Variants in RBPMS observed in about 807,000 individuals in gnomAD.
RBPMS encodes the protein RNA-binding protein with multiple splicing.
Under a neutral mutation model 26.8 loss-of-function variants are expected in RBPMS, and 7 were observed. The ratio of observed to expected loss-of-function variants is 0.26; its 90% CI spans 0.15 to 0.49. The LOEUF (loss-of-function observed/expected upper bound fraction) is 0.49. Ranked by LOEUF, RBPMS falls within the 20% of genes least tolerant of loss-of-function variation. RBPMS has a pLI of 0.98. For synonymous variants in RBPMS, 96 were observed against 93.3 expected, an observed-to-expected ratio of 1.03 and a Z score of -0.17; for missense variants, 186 against 250.0, an observed-to-expected ratio of 0.74 and a Z score of 1.73.
intron 1 of RBPMS, among the ~76,000 whole-genome samples, chr8:30,439,268 A>G (rs1812809919): frequency 6.6e-6 from 1 of 152,254 alleles, no homozygotes; most frequent in Admixed American, 6.5e-5. Flanking sequence ...TATCATTTAA[A>G]AGCAAACCTC....
At chr8:30,388,770 T>C (rs1807431850) in intron 1 of RBPMS, among the ~76,000 whole-genome samples, 1 of 152,156 alleles carries the variant, frequency 6.6e-6, no homozygotes, top group Non-Finnish European at 1.5e-5. Flanking sequence ...AGGCTGATTG[T>C]AAAACATCTT....
rs199583737 is a variant in RBPMS, at chr8:30,549,804, T to TCCCTCC, written c.528+5182_528+5183insCTCCCC. On this transcript the variant is annotated intron_variant, in intron 6 of 8. Transcript: ENST00000397323. ...TCTCTCTCTCTCTCTCTCCCCTCTC[T>TCCCTCC]CCTCTCTCTCTCTCTCTCTCTCTTT... Among the ~76,000 whole-genome samples, 451 of 102,772 alleles carry TCCCTCC rather than the reference T, an allele frequency of 4.4e-3. 5 individuals are homozygous for TCCCTCC. The highest frequency in any genetic ancestry group is 0.019 in the African/African-American group (417 of 21,546). 67.4% of individuals were successfully genotyped at this position (102,772 alleles called of 152,430 possible).
intron 6 of RBPMS, among the ~76,000 whole-genome samples, chr8:30,551,239 T>C (rs1826342634): frequency 6.6e-6 from 1 of 152,168 alleles, no homozygotes; most frequent in Admixed American, 6.5e-5. Context: ...TCCAAAACCA[T>C]CCGTCCAGGG....
intron 5 of RBPMS, among the ~76,000 whole-genome samples, chr8:30,535,222 T>C (rs895009907): frequency 2.0e-5 from 3 of 152,350 alleles, no homozygotes; most frequent in Non-Finnish European, 4.4e-5. Flanking sequence ...GTTTATATCC[T>C]CTTGCTAGTT....
chr8:30,547,581 C>G lies in RBPMS; in HGVS notation c.528+2957C>G, dbSNP rs535659960. The G allele has an allele frequency of 3.1e-5, 34 of 1,096,380 alleles. No homozygotes were observed. In the East Asian group the frequency reaches 8.7e-4, roughly 28 times the overall value. 67.9% of individuals were successfully genotyped at this position (1,096,380 alleles called of 1,614,324 possible). A position where few individuals can be genotyped will look rare whatever the true frequency, so the allele number is the denominator to read the frequency against. On this transcript the variant is annotated intron_variant, in intron 6 of 8. Transcript: ENST00000397323. ...GCAATTTTGGAGCAAAGGTGTTACT[C>G]TCTGACTGAGGTTTTGGGAGAATTG... is the stretch of plus-strand genomic sequence containing the variant.
At chr8:30,562,641 T>G (rs1327673497) in intron 7 of RBPMS, among the ~76,000 whole-genome samples, 1 of 152,202 alleles carries the variant, frequency 6.6e-6, no homozygotes, top group Non-Finnish European at 1.5e-5. Flanking sequence ...GAAACAGTGG[T>G]GCTGATGAGC....
chr8:30,511,477 AAAAAAAAAAATATATAT>A (rs1195492459), intron 5 of RBPMS, among the ~76,000 whole-genome samples: 4 of 7,382 alleles, frequency 5.4e-4, no homozygotes, highest in East Asian at 2.9e-3. Flanking sequence ...AAAAGAAAAA[AAAAAAAAAAATATATAT>A]ATATATATAT....
rs1326235464 is a variant in RBPMS at position 30,571,938 on chromosome 8, T to TTTTTG, written c.*1421_*1425dup. 1.3e-5 allele frequency: 2 copies of TTTTTG among 152,312 alleles called. No homozygotes were observed. Among genetic ancestry groups the TTTTTG allele is most frequent in the South Asian group, 2.1e-4 (1 of 4,820 alleles). The allele number at this position is 152,312 out of a possible 1,614,324, so 9.4% of individuals were successfully genotyped here. ...GTCATGATTACCTGGTTGGTTTGGG[T>TTTTTG]TTTTGTTTTGTTATTTTCCATTAGA... On this transcript the variant is annotated 3_prime_UTR_variant, in exon 9 of 9. Transcript: ENST00000397323.
intron 6 of RBPMS, among the ~76,000 whole-genome samples, chr8:30,545,803 C>T (rs1328457807): frequency 6.6e-6 from 1 of 152,182 alleles, no homozygotes; most frequent in Non-Finnish European, 1.5e-5. Context: ...ACCCGGCTTC[C>T]TGGCCTGCCC....
chr8:30,558,844 G>C (rs756586176), intron 6 of RBPMS, 43 bp from the exon 7 acceptor site: 13 of 1,544,570 alleles, frequency 8.4e-6, no homozygotes, highest in Non-Finnish European at 1.2e-5. Flanking sequence ...ATGGGGATAT[G>C]CTGGGGAGCC....
chr8:30,555,330 T>C (rs1288103374), intron 6 of RBPMS, among the ~76,000 whole-genome samples: 1 of 152,212 alleles, frequency 6.6e-6, no homozygotes, highest in East Asian at 1.9e-4. Flanking sequence ...AACTGTAACA[T>C]GGTAATAACT....
At chr8:30,556,150 A>G in intron 6 of RBPMS, 1 of 985,340 alleles carries the variant, frequency 1.0e-6, no homozygotes, top group Non-Finnish European at 1.2e-6. Context: ...GAGACACAAG[A>G]GCAATGAATT....
intron 1 of RBPMS, among the ~76,000 whole-genome samples, chr8:30,434,628 G>A (rs186845493): frequency 2.6e-5 from 4 of 151,260 alleles, no homozygotes; most frequent in East Asian, 3.9e-4. Context: ...CACTTGAACC[G>A]GGATGGCGGC....
rs371960854 is a variant in RBPMS at position 30,555,762 on chromosome 8, TAAG to T, written c.529-3119_529-3117del. On this transcript the variant is annotated intron_variant, in intron 6 of 8. Transcript: ENST00000397323. ...TGGAGGGAACTGTAGGTTTCCCCGT[TAAG>T]AAGAATTGTAAAGCAGCCCTTATGG... 746 of 466,968 alleles carry T rather than the reference TAAG, an allele frequency of 1.6e-3. 3 individuals carry two copies. Among genetic ancestry groups the T allele is most frequent in the African/African-American group, 0.015 (692 of 47,280 alleles). 28.9% of individuals were successfully genotyped at this position (466,968 alleles called of 1,614,324 possible).
chr8:30,455,966 G>A (rs1299302292), intron 1 of RBPMS, among the ~76,000 whole-genome samples: 2 of 152,182 alleles, frequency 1.3e-5, no homozygotes, highest in Middle Eastern at 3.2e-3. Context: ...TTAAGACTGA[G>A]CCAGTAGAAC....
intron 4 of RBPMS, among the ~76,000 whole-genome samples, chr8:30,494,472 T>G (rs910244796): frequency 3.3e-5 from 5 of 151,484 alleles, no homozygotes; most frequent in Admixed American, 1.3e-4. Flanking sequence ...CAATGAATGC[T>G]ATGAAATATG....
chr8:30,525,644 C>T (rs1823499539), intron 5 of RBPMS, among the ~76,000 whole-genome samples: 1 of 152,236 alleles, frequency 6.6e-6, no homozygotes, highest in African/African-American at 2.4e-5. Flanking sequence ...GTGTTACTTA[C>T]TCCTTTCAGT....
chr8:30,385,381 G>A, intron 1 of RBPMS: 1 of 395,388 alleles, frequency 2.5e-6, no homozygotes, highest in Non-Finnish European at 4.5e-6. Flanking sequence ...AGGACTTTTC[G>A]GAGACTTTTG....
intron 1 of RBPMS, among the ~76,000 whole-genome samples, chr8:30,430,149 G>A (rs530226736): frequency 1.3e-5 from 2 of 152,222 alleles, no homozygotes; most frequent in South Asian, 2.1e-4. Flanking sequence ...GATGGCGCCC[G>A]CCTGTAGTCC....
Sources: gnomAD v4.1 joint callset for allele counts (sites outside exome capture counted in the v4.1 genomes callset) on GRCh38, gnomAD v4.1.1 for gene constraint, MANE v1.5 for transcripts, NCBI Gene and HGNC (gene_info 2026-07-23, HGNC 2026-07-21) for gene names.